The following CLIC5 variants were observed in gnomAD, a reference collection of about 807,000 sequenced individuals.
CLIC5 encodes the protein CLIC family member 5.
CLIC5 carries 20 observed loss-of-function variants against 24.7 expected under a neutral mutation model. The observed-to-expected ratio is 0.81, with a 90% confidence interval of 0.57 to 1.18. The LOEUF is 1.18. Among genes scored for constraint, CLIC5 ranks in the 50% most tolerant of loss-of-function variants. The pLI is 0.00. For synonymous variants in CLIC5, 159 were observed against 135.6 expected (o/e 1.17, Z -1.20); for missense variants, 341 against 326.1 (o/e 1.05, Z -0.35).
intron 4 of CLIC5, among the ~76,000 whole-genome samples, chr6:45,937,758 T>A (rs1245416891): frequency 6.6e-6 from 1 of 152,204 alleles, no homozygotes; most frequent in Admixed American, 6.5e-5. Flanking sequence ...ATTCTCTCCA[T>A]TACTCCAGTA....
chr6:46,011,173 A>G (rs951231627), intron 1 of CLIC5, among the ~76,000 whole-genome samples: 1 of 152,234 alleles, frequency 6.6e-6, no homozygotes, highest in Non-Finnish European at 1.5e-5. Context: ...GACCAACCCT[A>G]TACACGATTG....
At chr6:46,019,452 C>G (rs1182972064), upstream of CLIC5, among the ~76,000 whole-genome samples, 1 of 151,046 alleles carries the variant, frequency 6.6e-6, no homozygotes, top group Non-Finnish European at 1.5e-5. Flanking sequence ...TTTGGGAGGC[C>G]GAGGCGGATG....
chr6:46,053,879 C>G (rs1416974246), intron 1 of CLIC5, among the ~76,000 whole-genome samples: 1 of 152,118 alleles, frequency 6.6e-6, no homozygotes, highest in Non-Finnish European at 1.5e-5. Flanking sequence ...CCATTTACAA[C>G]CTCTGAGAAC....
intron 1 of CLIC5, among the ~76,000 whole-genome samples, chr6:46,005,751 G>T (rs926873359): frequency 2.0e-5 from 3 of 152,044 alleles, no homozygotes; most frequent in Non-Finnish European, 4.4e-5. Flanking sequence ...GTGTTCTCAT[G>T]AGGGGCTGAA....
At chr6:46,115,048 G>C in the CLIC5 span, among the ~76,000 whole-genome samples, 1 of 152,206 alleles carries the variant, frequency 6.6e-6, no homozygotes, top group Non-Finnish European at 1.5e-5. Flanking sequence ...TAGTAGCTTA[G>C]CAACTCCATT....
At chr6:45,969,790 A>G (rs1765134785) in intron 1 of CLIC5, among the ~76,000 whole-genome samples, 1 of 143,690 alleles carries the variant, frequency 7.0e-6, no homozygotes, top group Middle Eastern at 3.7e-3. Context: ...TCACATTCAC[A>G]TCAAGGTTTT....
chr6:46,083,501 C>T (rs1193130147), upstream of CLIC5, among the ~76,000 whole-genome samples: 27 of 152,244 alleles, frequency 1.8e-4, no homozygotes, highest in Non-Finnish European at 3.5e-4. Flanking sequence ...TTTCAAAGAA[C>T]ATCTTTATTT....
chr6:45,948,225 T>A (rs1764350426), intron 3 of CLIC5, among the ~76,000 whole-genome samples: 1 of 152,014 alleles, frequency 6.6e-6, no homozygotes, highest in African/African-American at 2.4e-5. Context: ...AGGATGGTGG[T>A]TTTTAGTAGT....
chr6:46,010,436 G>A (rs1187638884), intron 1 of CLIC5, among the ~76,000 whole-genome samples: 1 of 152,166 alleles, frequency 6.6e-6, no homozygotes, highest in Admixed American at 6.5e-5. Context: ...ACACACTGGT[G>A]AACCCGAGCC....
intron 1 of CLIC5, among the ~76,000 whole-genome samples, chr6:45,979,330 G>A (rs1250375532): frequency 6.6e-6 from 1 of 152,122 alleles, no homozygotes; most frequent in African/African-American, 2.4e-5. Context: ...ATAGACAAGA[G>A]ACCCTCTAAG....
At chr6:46,091,468 GC>G in the CLIC5 span, among the ~76,000 whole-genome samples, 3 of 152,142 alleles carry the variant, frequency 2.0e-5, no homozygotes, top group East Asian at 5.8e-4. Context: ...TAGCATGGTG[GC>G]TCATGCCTGT....
chr6:45,952,358 C>A (rs1010586281), intron 2 of CLIC5, among the ~76,000 whole-genome samples: 35 of 152,164 alleles, frequency 2.3e-4, no homozygotes, highest in Admixed American at 2.1e-3. Flanking sequence ...TCTTCTTTTC[C>A]TTACTGGATT....
intron 5 of CLIC5, among the ~76,000 whole-genome samples, chr6:45,909,684 C>G (rs568952415): frequency 2.0e-4 from 30 of 152,298 alleles, no homozygotes; most frequent in African/African-American, 7.0e-4. Context: ...GTGTTCTGAC[C>G]TTTTTCTCTA....
At chr6:45,921,926 C>T (rs866218098) in intron 4 of CLIC5, among the ~76,000 whole-genome samples, 7 of 152,164 alleles carry the variant, frequency 4.6e-5, no homozygotes, top group Admixed American at 3.3e-4. Context: ...GTCAAATTGG[C>T]CCTGGGTGTG....
chr6:46,001,355 C>T (rs144724096), intron 1 of CLIC5, among the ~76,000 whole-genome samples: 9 of 152,270 alleles, frequency 5.9e-5, no homozygotes, highest in African/African-American at 2.2e-4. Flanking sequence ...ATGGCTTTCT[C>T]CCCCTTCTCT....
chr6:45,982,682 G>A (rs749700410), intron 1 of CLIC5, among the ~76,000 whole-genome samples: 10 of 152,314 alleles, frequency 6.6e-5, no homozygotes, highest in East Asian at 3.9e-4. Context: ...TACGGGGTCC[G>A]TCGTTGGCTG....
chr6:46,110,571 G>T, the CLIC5 span, among the ~76,000 whole-genome samples: 1 of 152,132 alleles, frequency 6.6e-6, no homozygotes, highest in South Asian at 2.1e-4. Context: ...CTTTGAGATT[G>T]GAAAGACTGA....
the CLIC5 span, among the ~76,000 whole-genome samples, chr6:46,121,197 C>G: frequency 1.4e-5 from 2 of 143,046 alleles, no homozygotes; most frequent in Non-Finnish European, 3.1e-5. Context: ...TCGGGTTACT[C>G]ACAAAGGGAA....
chr6:45,891,550 C>T (rs58016389), intron 6 of CLIC5, among the ~76,000 whole-genome samples: 410 of 120,210 alleles, frequency 3.4e-3, no homozygotes, highest in African/African-American at 0.014. Context: ...GCAGGGGAAT[C>T]GTTTGAACCC....
Sources: gnomAD v4.1 joint callset for allele counts (sites outside exome capture counted in the v4.1 genomes callset) on GRCh38, gnomAD v4.1.1 for gene constraint, MANE v1.5 for transcripts, NCBI Gene and HGNC (gene_info 2026-07-23, HGNC 2026-07-21) for gene names.